EMCN: variants seen among roughly 807,000 people sequenced by gnomAD.
The protein encoded by EMCN is endomucin.
EMCN carries 37 observed loss-of-function variants against 38.4 expected under a neutral mutation model. The ratio of observed to expected loss-of-function variants is 0.96; its 90% confidence interval spans 0.74 to 1.27. EMCN has a LOEUF of 1.27. Ranked by LOEUF, EMCN falls within the 50% of genes most tolerant of loss-of-function variation. EMCN has a pLI of 0.00. For synonymous variants in EMCN, 95 were observed against 100.8 expected (o/e 0.94, Z 0.35); for missense variants, 318 against 302.8 (o/e 1.05, Z -0.37).
At chr4:100,445,061 G>A (rs1242238679) in intron 5 of EMCN, among the ~76,000 whole-genome samples, 1 of 152,148 alleles carries the variant, frequency 6.6e-6, no homozygotes, top group African/African-American at 2.4e-5. Context: ...CAGAGGCAAG[G>A]TGTTTCCTCC....
At chr4:100,427,453 CTTT>C (rs71594586) in intron 5 of EMCN, among the ~76,000 whole-genome samples, 2 of 97,240 alleles carry the variant, frequency 2.1e-5, no homozygotes, top group Non-Finnish European at 2.1e-5. Flanking sequence ...CTCTCTCTCT[CTTT>C]TTTTTTTTTT....
intron 5 of EMCN, among the ~76,000 whole-genome samples, chr4:100,434,011 G>T (rs2110229895): frequency 6.6e-6 from 1 of 152,104 alleles, no homozygotes; most frequent in East Asian, 1.9e-4. Context: ...CAGAAGACAA[G>T]AAATAACCAA....
chr4:100,426,030 G>A (rs989634655), intron 5 of EMCN, among the ~76,000 whole-genome samples: 4 of 152,126 alleles, frequency 2.6e-5, no homozygotes, highest in African/African-American at 9.7e-5. Context: ...TCAGAGTCAA[G>A]TCTGTTGTAA....
At chr4:100,417,001 C>T in intron 9 of EMCN, 116 bp downstream of exon 9, 2 of 1,014,240 alleles carry the variant, frequency 2.0e-6, no homozygotes, top group South Asian at 2.8e-5. Flanking sequence ...CAGTTAAAGC[C>T]AATATGTAGA....
chr4:100,481,556 G>A (rs1012694258), intron 1 of EMCN, among the ~76,000 whole-genome samples: 9 of 151,988 alleles, frequency 5.9e-5, no homozygotes, highest in Non-Finnish European at 1.5e-5. Context: ...TCACACCCTT[G>A]GTCTTACCTC....
intron 5 of EMCN, among the ~76,000 whole-genome samples, chr4:100,430,372 T>A (rs1306840840): frequency 6.6e-6 from 1 of 152,176 alleles, no homozygotes; most frequent in Non-Finnish European, 1.5e-5. Context: ...AGGACATGAC[T>A]CTTATTTTTG....
intron 10 of EMCN, among the ~76,000 whole-genome samples, chr4:100,414,577 A>T (rs1010509781): frequency 3.3e-5 from 5 of 151,944 alleles, no homozygotes; most frequent in African/African-American, 9.7e-5. Context: ...GAGATACAAG[A>T]GCAAAGGAGA....
Position 100,475,670 on chromosome 4 carries a change from T to A in EMCN, c.188-561A>T, listed in dbSNP as rs997973442. On this transcript the variant is annotated intron_variant, in intron 2 of 11. Coordinates refer to ENST00000296420, the MANE Select transcript of EMCN (RefSeq NM_016242.4). ...ATCCAATTCTAGTCCTTTTTTTTTT[T>A]TTTTTTTTTTTTTTTTTTTTTTTTG... Among the ~76,000 whole-genome samples, 21 of 113,240 alleles carry A rather than the reference T, an allele frequency of 1.9e-4. 4 individuals carry two copies. The highest frequency in any genetic ancestry group is 1.6e-3 in the South Asian group (5 of 3,044). 74.3% of individuals were successfully genotyped at this position (113,240 alleles called of 152,430 possible).
chr4:100,486,183 C>T (rs1479628693), intron 1 of EMCN, among the ~76,000 whole-genome samples: 2 of 152,170 alleles, frequency 1.3e-5, no homozygotes, highest in Non-Finnish European at 2.9e-5. Flanking sequence ...GAGGTCATGT[C>T]TCTCTACGTG....
At position 100,505,108 on chromosome 4, in the gene EMCN, A is replaced by G. The variant is rs12642994; in HGVS notation, c.64+12743T>C. On this transcript the variant is annotated intron_variant, in intron 1 of 11. Transcript: ENST00000296420. ...CCTGTCCAGTGGACATGTGACCCACATGACCTTACCTATCATTGGAGATGG... is the reference window on the plus strand; with the variant it reads ...CCTGTCCAGTGGACATGTGACCCACGTGACCTTACCTATCATTGGAGATGG... Among the ~76,000 whole-genome samples the G allele has an allele frequency of 1.0e-3, 157 of 152,296 alleles. 1 individual carries two copies. In the East Asian group the frequency reaches 0.022, roughly 21 times the overall value.
At chr4:100,438,479 A>G (rs1727416909) in intron 5 of EMCN, among the ~76,000 whole-genome samples, 1 of 151,936 alleles carries the variant, frequency 6.6e-6, no homozygotes, top group Non-Finnish European at 1.5e-5. Flanking sequence ...TTCATTTATT[A>G]GTTCTAACAG....
intron 5 of EMCN, among the ~76,000 whole-genome samples, chr4:100,427,223 G>A (rs1054151851): frequency 2.6e-5 from 4 of 151,484 alleles, no homozygotes; most frequent in African/African-American, 9.7e-5. Context: ...TTTCTTTTTC[G>A]TCTCCTTGGT....
At chr4:100,401,663 A>T (rs3822067) in intron 11 of EMCN, among the ~76,000 whole-genome samples, 122,686 of 152,206 alleles carry the variant, frequency 0.81, 49,595 homozygotes, top group East Asian at 0.91. Flanking sequence ...GGGCACCATT[A>T]AGAAAATTAC....
At position 100,423,087 on chromosome 4, in the gene EMCN, G is replaced by C; in HGVS notation, c.509-7C>G. ...CCACCCTCAGTGCCTATTACTTTAAGAAAGAAAAAAACAAGTCACTTTTGG... is the reference window on the plus strand; with the variant it reads ...CCACCCTCAGTGCCTATTACTTTAACAAAGAAAAAAACAAGTCACTTTTGG... On this transcript the variant is annotated splice_region_variant and splice_polypyrimidine_tract_variant and intron_variant, in intron 6 of 11. Coordinates refer to ENST00000296420, the MANE Select transcript of EMCN (RefSeq NM_016242.4). 2.5e-6 allele frequency: 4 copies of C among 1,612,536 alleles called. No individual in the cohort carries two copies. The highest frequency in any genetic ancestry group is 3.4e-6 in the Non-Finnish European group (4 of 1,179,130).
intron 7 of EMCN, 65 bp downstream of exon 7, chr4:100,422,956 T>G: frequency 6.7e-7 from 1 of 1,501,610 alleles, no homozygotes; most frequent in Non-Finnish European, 9.3e-7. Context: ...TTCCTCTCCT[T>G]TACTGGTCAC....
At chr4:100,443,377 C>T (rs190747560) in intron 5 of EMCN, among the ~76,000 whole-genome samples, 275 of 152,254 alleles carry the variant, frequency 1.8e-3, no homozygotes, top group South Asian at 7.1e-3. Flanking sequence ...TTGGGCAGGG[C>T]GCCTCTGGTT....
chr4:100,511,153 G>A (rs985785444), intron 1 of EMCN, among the ~76,000 whole-genome samples: 1 of 152,160 alleles, frequency 6.6e-6, no homozygotes, highest in African/African-American at 2.4e-5. Context: ...TTACTGAAGT[G>A]TCACTACATC....
At chr4:100,513,904 C>T (rs999384653) in intron 1 of EMCN, among the ~76,000 whole-genome samples, 1 of 152,056 alleles carries the variant, frequency 6.6e-6, no homozygotes, top group Non-Finnish European at 1.5e-5. Context: ...AAATATAGCC[C>T]TTACTTTCAA....
intron 7 of EMCN, among the ~76,000 whole-genome samples, chr4:100,422,366 G>A (rs998075562): frequency 2.0e-5 from 3 of 152,008 alleles, no homozygotes; most frequent in Non-Finnish European, 4.4e-5. Flanking sequence ...AATGGAATGG[G>A]TTTAACTAAA....
Sources: gnomAD v4.1 joint callset for allele counts (sites outside exome capture counted in the v4.1 genomes callset) on GRCh38, gnomAD v4.1.1 for gene constraint, MANE v1.5 for transcripts, NCBI Gene and HGNC (gene_info 2026-07-23, HGNC 2026-07-21) for gene names.